OR2A5: variants seen among roughly 807,000 people sequenced by gnomAD.
OR2A5 encodes olfactory receptor family 2 subfamily A member 5.
A neutral mutation model predicts 1.9 loss-of-function variants in OR2A5; 2 were observed. The ratio of observed to expected loss-of-function variants is 1.04; its 90% CI spans 0.43 to 3.28. OR2A5 has a LOEUF of 3.28. OR2A5 is among the 30% of genes most tolerant of loss of function. The pLI is 0.08. For missense variants in OR2A5, 391 were observed against 375.9 expected (o/e 1.04, Z -0.33); for synonymous variants, 160 against 154.5 (o/e 1.04, Z -0.26).
rs202237322 is a variant in OR2A5 at position 144,051,283 on chromosome 7, C to A, written c.882C>A (p.Asn294Lys). Residue 294 changes from asparagine (N) to lysine (K), a missense_variant, in exon 2 of 2, where the codon AAC (asparagine) becomes AAA (lysine). Physicochemically the swap from Asn to Lys is moderately conservative, Grantham distance 94. Coordinates refer to ENST00000641693, the MANE Select transcript of OR2A5 (RefSeq NM_012365.2). The part of the protein sequence containing the change: ...MLNPLIYSLR[N>K]AEVKGALKRV... ...ACCCCTTGATCTATAGCCTGAGGAA[C>A]GCAGAGGTCAAGGGTGCCCTGAAAA... is the stretch of plus-strand genomic sequence containing the variant. 18 of 1,613,724 alleles carry A rather than the reference C, an allele frequency of 1.1e-5. No homozygotes were observed. The highest frequency in any genetic ancestry group is 1.6e-4 in the Middle Eastern group (1 of 6,084).
Position 144,053,356 on chromosome 7 carries a change from C to A in OR2A5, c.*2019C>A, listed in dbSNP as rs915294476. 6.6e-6 allele frequency: 1 copy of A among 151,816 alleles called. No individual in the cohort carries two copies. Among genetic ancestry groups the A allele is most frequent in the Admixed American group, 6.6e-5 (1 of 15,232 alleles). The allele number at this position is 151,816 out of a possible 1,614,324, so 9.4% of individuals were successfully genotyped here. ...AACTAATTAAATGTTGGTGTTATGACCGCTTTATATATACATATTTTCAAC... is the reference window on the plus strand; with the variant it reads ...AACTAATTAAATGTTGGTGTTATGAACGCTTTATATATACATATTTTCAAC... On this transcript the variant is annotated 3_prime_UTR_variant, in exon 2 of 2. Transcript: ENST00000641693.
chr7:144,057,923 TCTTGA>T lies in OR2A5; in HGVS notation c.*6594_*6598del, dbSNP rs933831177. The stretch of plus-strand genomic sequence containing the variant: ...ATGAATAATTAAATCACGGTAAAGC[TCTTGA>T]CTTGACTAGAAAGGTGAAAATGCTG... On this transcript the variant is annotated 3_prime_UTR_variant, in exon 2 of 2. Transcript: ENST00000641693. The T allele has an allele frequency of 6.6e-5, 10 of 152,344 alleles. No homozygotes were observed. Among genetic ancestry groups the T allele is most frequent in the East Asian group, 1.9e-4 (1 of 5,188 alleles). 9.4% of individuals were successfully genotyped at this position (152,344 alleles called of 1,614,324 possible).
rs1199687160 is a variant in OR2A5 at position 144,057,395 on chromosome 7, A to T, written c.*6058A>T. On this transcript the variant is annotated 3_prime_UTR_variant, in exon 2 of 2. Coordinates refer to ENST00000641693, the MANE Select transcript of OR2A5 (RefSeq NM_012365.2). Reference sequence around the variant, plus strand: ...AACACATGAATTCTCAGAACAAAAGATACTCTGAGTATCAAGCTACATGAA... The same window carrying T: ...AACACATGAATTCTCAGAACAAAAGTTACTCTGAGTATCAAGCTACATGAA... 1.3e-5 allele frequency: 2 copies of T among 152,232 alleles called. No homozygotes were observed. The highest frequency in any genetic ancestry group is 4.8e-5 in the African/African-American group (2 of 41,468). 9.4% of individuals were successfully genotyped at this position (152,232 alleles called of 1,614,324 possible).
intron 1 of OR2A5, among the ~76,000 whole-genome samples, chr7:144,050,035 C>T (rs2050888957): frequency 6.6e-6 from 1 of 152,166 alleles, no homozygotes; most frequent in Non-Finnish European, 1.5e-5. Flanking sequence ...AAGAACATGG[C>T]TGTGATCCTT....
rs1186024702 is a variant in OR2A5 at position 144,051,268 on chromosome 7, C to G, written c.867C>G (p.Ile289Met). The change falls in exon 2 of 2, where the codon ATC becomes ATG. Residue 289 changes from isoleucine (I) to methionine (M), a missense_variant. By Grantham distance (10) the Ile-to-Met change is conservative. Transcript: ENST00000641693. ...TCAACCCGATGCTGAACCCCTTGATCTATAGCCTGAGGAACGCAGAGGTCA... is the reference window on the plus strand; with the variant it reads ...TCAACCCGATGCTGAACCCCTTGATGTATAGCCTGAGGAACGCAGAGGTCA... ...SLFNPMLNPL[I>M]YSLRNAEVKG... 2 of 1,613,774 alleles carry G rather than the reference C, an allele frequency of 1.2e-6. No homozygotes were observed. The highest frequency in any genetic ancestry group is 2.2e-5 in the East Asian group (1 of 44,880).
chr7:144,055,356 A>C lies in OR2A5; in HGVS notation c.*4019A>C, dbSNP rs1208114187. The C allele has an allele frequency of 6.6e-6, 1 of 152,252 alleles. No homozygotes were observed. The highest frequency in any genetic ancestry group is 1.5e-5 in the Non-Finnish European group (1 of 68,048). The allele number at this position is 152,252 out of a possible 1,614,324, so 9.4% of individuals were successfully genotyped here. A position where few individuals can be genotyped will look rare whatever the true frequency, so the allele number is the denominator to read the frequency against. On this transcript the variant is annotated 3_prime_UTR_variant, in exon 2 of 2. Coordinates refer to ENST00000641693, the MANE Select transcript of OR2A5 (RefSeq NM_012365.2). ...AACATAAAGGTTGAGTAAAATATAA[A>C]TACGTTGAACAGGCATTTGCAATAG...
intron 1 of OR2A5, among the ~76,000 whole-genome samples, chr7:144,049,564 A>G (rs546797232): frequency 6.6e-6 from 1 of 152,350 alleles, no homozygotes; most frequent in African/African-American, 2.4e-5. Flanking sequence ...TGCCAGCAAC[A>G]GCACCTGGTA....
Position 144,053,898 on chromosome 7 carries a change from C to T in OR2A5, c.*2561C>T, listed in dbSNP as rs991040972. 1.3e-5 allele frequency: 2 copies of T among 152,246 alleles called. No individual in the cohort carries two copies. Among genetic ancestry groups the T allele is most frequent in the Non-Finnish European group, 2.9e-5 (2 of 68,048 alleles). The allele number at this position is 152,246 out of a possible 1,614,324, so 9.4% of individuals were successfully genotyped here. On this transcript the variant is annotated 3_prime_UTR_variant, in exon 2 of 2. Transcript: ENST00000641693. ...CTCCTAATGCCTGTCTGCAAAATCA[C>T]ATGGCCTCATAAGGCATTGCCCCAA...
At position 144,051,252 on chromosome 7, in the gene OR2A5, T is replaced by A; in HGVS notation, c.851T>A (p.Met284Lys). ...LSLFYSLFNPMLNPLIYSLRN... is the reference protein window; with the variant it reads ...LSLFYSLFNPKLNPLIYSLRN... Reference sequence around the variant, plus strand: ...CTGTTTTACAGCCTTTTCAACCCGATGCTGAACCCCTTGATCTATAGCCTG... The same window carrying A: ...CTGTTTTACAGCCTTTTCAACCCGAAGCTGAACCCCTTGATCTATAGCCTG... The change falls in exon 2 of 2, where the codon ATG (methionine) becomes AAG (lysine). Residue 284 changes from methionine to lysine, a missense_variant. By Grantham distance (95) the Met-to-Lys change is moderately conservative. Coordinates refer to ENST00000641693, the MANE Select transcript of OR2A5 (RefSeq NM_012365.2). 2 of 1,613,914 alleles carry A rather than the reference T, an allele frequency of 1.2e-6. No individual in the cohort carries two copies. Among genetic ancestry groups the A allele is most frequent in the Non-Finnish European group, 1.7e-6 (2 of 1,179,846 alleles).
Position 144,050,365 on chromosome 7 carries a change from C to T in OR2A5, c.-37C>T. The T allele has an allele frequency of 7.2e-7, 1 of 1,382,218 alleles. No homozygotes were observed. The highest frequency in any genetic ancestry group is 9.9e-7 in the Non-Finnish European group (1 of 1,011,948). 85.6% of individuals were successfully genotyped at this position (1,382,218 alleles called of 1,614,324 possible). A position where few individuals can be genotyped will look rare whatever the true frequency, so the allele number is the denominator to read the frequency against. On this transcript the variant is annotated 5_prime_UTR_variant, in exon 2 of 2. Coordinates refer to ENST00000641693, the MANE Select transcript of OR2A5 (RefSeq NM_012365.2). ...TTGCTCCTCAGCACATAGCTCATTGCCACAGCAGAGTCCAACGCAGGTACT... is the reference window on the plus strand; with the variant it reads ...TTGCTCCTCAGCACATAGCTCATTGTCACAGCAGAGTCCAACGCAGGTACT...
chr7:144,050,245 G>A (rs1426428707), intron 1 of OR2A5, 106 bp from the exon 2 acceptor site: 2 of 534,262 alleles, frequency 3.7e-6, no homozygotes, highest in Admixed American at 7.0e-5. Flanking sequence ...AAAGGATTTG[G>A]CATAATGGCT....
rs1257086397 is a variant in OR2A5 at position 144,050,542 on chromosome 7, C to T, written c.141C>T (p.Leu47=). Residue 47 remains leucine, a synonymous_variant, in exon 2 of 2, where the codon CTC becomes CTT. Transcript: ENST00000641693. ...TGGGAAATGGGGCCATCCTGGGGCT[C>T]ATCTGGCTGGACTCCAGACTGCACA... The part of the protein sequence containing the change: ...TLLGNGAILG[L]IWLDSRLHTP... The T allele has an allele frequency of 6.2e-7, 1 of 1,609,688 alleles. No homozygotes were observed. Among genetic ancestry groups the T allele is most frequent in the Non-Finnish European group, 8.5e-7 (1 of 1,177,738 alleles).
At position 144,051,408 on chromosome 7, in the gene OR2A5, T is replaced by C; in HGVS notation, c.*71T>C. ...AGATTTGTAGGAACAGTGGTGTAAA[T>C]GCCTTACAGTCTCATCTCTTAGATT... On this transcript the variant is annotated 3_prime_UTR_variant, in exon 2 of 2. Transcript: ENST00000641693. The C allele has an allele frequency of 3.4e-6, 4 of 1,174,166 alleles. No homozygotes were observed. Among genetic ancestry groups the C allele is most frequent in the Non-Finnish European group, 4.9e-6 (4 of 822,538 alleles). 72.7% of individuals were successfully genotyped at this position (1,174,166 alleles called of 1,614,324 possible). A position where few individuals can be genotyped will look rare whatever the true frequency, so the allele number is the denominator to read the frequency against.
In OR2A5 at chr7:144,050,662, C is replaced by A; in HGVS notation, c.261C>A (p.Asn87Lys). The A allele has an allele frequency of 6.2e-7, 1 of 1,614,062 alleles. No homozygotes were observed. The highest frequency in any genetic ancestry group is 8.5e-7 in the Non-Finnish European group (1 of 1,179,992). Reference sequence around the variant, plus strand: ...AGATGCTGACAAACCTTGGCTTGAACAAGAGAAAAACAATCTCCTTTGTCC... The same window carrying A: ...AGATGCTGACAAACCTTGGCTTGAAAAAGAGAAAAACAATCTCCTTTGTCC... ...VPKMLTNLGL[N>K]KRKTISFVPC... Residue 87 changes from asparagine (N) to lysine (K), a missense_variant, in exon 2 of 2, where the codon AAC becomes AAA. Asn to Lys is a moderately conservative substitution (Grantham distance 94). Coordinates refer to ENST00000641693, the MANE Select transcript of OR2A5 (RefSeq NM_012365.2).
In OR2A5 at chr7:144,053,934, T is replaced by A. The variant is rs778938569; in HGVS notation, c.*2597T>A. The stretch of plus-strand genomic sequence containing the variant: ...AAGGCATTGCCCCAAAGGGACAATC[T>A]GAACGAGAGACACCCTGCTGTTCTC... On this transcript the variant is annotated 3_prime_UTR_variant, in exon 2 of 2. Coordinates refer to ENST00000641693, the MANE Select transcript of OR2A5 (RefSeq NM_012365.2). 1.2e-4 allele frequency: 18 copies of A among 152,252 alleles called. No individual in the cohort carries two copies. The highest frequency in any genetic ancestry group is 2.6e-4 in the Non-Finnish European group (18 of 68,052). 9.4% of individuals were successfully genotyped at this position (152,252 alleles called of 1,614,324 possible).
rs1490658100 is a variant in OR2A5, at chr7:144,055,287, CAAT to C, written c.*3951_*3953del. ...TTTTTGAACATTATAAGTTATGCAA[CAAT>C]GAGGTCTTGTGAATTATTGTGCAGC... On this transcript the variant is annotated 3_prime_UTR_variant, in exon 2 of 2. Coordinates refer to ENST00000641693, the MANE Select transcript of OR2A5 (RefSeq NM_012365.2). 3.3e-5 allele frequency: 5 copies of C among 152,060 alleles called. No homozygotes were observed. Among genetic ancestry groups the C allele is most frequent in the African/African-American group, 1.2e-4 (5 of 41,370 alleles). The allele number at this position is 152,060 out of a possible 1,614,324, so 9.4% of individuals were successfully genotyped here.
In OR2A5 at chr7:144,051,220, C is replaced by T; in HGVS notation, c.819C>T (p.Val273=). 1 of 1,614,170 alleles carries T rather than the reference C, an allele frequency of 6.2e-7. No individual in the cohort carries two copies. The highest frequency in any genetic ancestry group is 8.5e-7 in the Non-Finnish European group (1 of 1,180,036). The change falls in exon 2 of 2, where the codon GTC becomes GTT. Residue 273 remains valine (V), a synonymous_variant. Transcript: ENST00000641693. ...GCCACCCTGAGGAGCAGCAGAAGGT[C>T]CTTTCCCTGTTTTACAGCCTTTTCA... ...KSRHPEEQQK[V]LSLFYSLFNP... is the part of the protein sequence containing the mutation.
chr7:144,050,591 C>T lies in OR2A5; in HGVS notation c.190C>T (p.His64Tyr), dbSNP rs557566532. The stretch of plus-strand genomic sequence containing the variant: ...CACCCCCATGTACTTCTTTCTCTCA[C>T]ACCTGGCCATCATTGATATTTCGTA... ...LHTPMYFFLS[H>Y]LAIIDISYAS... is the part of the protein sequence containing the mutation. The change falls in exon 2 of 2, where the codon CAC becomes TAC. Residue 64 changes from histidine (H) to tyrosine (Y), a missense_variant. Coordinates refer to ENST00000641693, the MANE Select transcript of OR2A5 (RefSeq NM_012365.2). 2 of 1,611,236 alleles carry T rather than the reference C, an allele frequency of 1.2e-6. No homozygotes were observed. Among genetic ancestry groups the T allele is most frequent in the East Asian group, 2.2e-5 (1 of 44,872 alleles).
intron 1 of OR2A5, among the ~76,000 whole-genome samples, chr7:144,049,348 TC>T (rs2050884539): frequency 6.6e-6 from 1 of 152,234 alleles, no homozygotes; most frequent in African/African-American, 2.4e-5. Context: ...TTTGTGTACT[TC>T]TATGAAACAT....
Sources: allele counts gnomAD v4.1 joint callset (sites outside exome capture counted in the v4.1 genomes callset), GRCh38; gene constraint gnomAD v4.1.1; transcripts MANE v1.5; gene names NCBI Gene and HGNC (gene_info 2026-07-23, HGNC 2026-07-21).